KIAA1671: variants seen among roughly 807,000 people sequenced by gnomAD.
The protein encoded by KIAA1671 is uncharacterized protein KIAA1671.
A neutral mutation model predicts 131.2 loss-of-function variants in KIAA1671; 52 were observed. The observed-to-expected ratio is 0.40, with a 90% CI of 0.32 to 0.50. The LOEUF is 0.50. Ranked by LOEUF, KIAA1671 falls within the 20% of genes least tolerant of loss-of-function variation. The pLI is 0.73. For synonymous variants in KIAA1671, 1,003 were observed against 961.6 expected, an observed-to-expected ratio of 1.04 and a Z score of -0.80; for missense variants, 2,360 against 2,364.2, an observed-to-expected ratio of 1.00 and a Z score of 0.04.
intron 6 of KIAA1671, among the ~76,000 whole-genome samples, chr22:25,157,441 A>G (rs1174189354): frequency 6.6e-6 from 1 of 152,188 alleles, no homozygotes; most frequent in Non-Finnish European, 1.5e-5. Context: ...CAGTAAACTT[A>G]TGTCTGCCTC....
intron 6 of KIAA1671, among the ~76,000 whole-genome samples, chr22:25,162,146 A>C (rs1933467546): frequency 6.6e-6 from 1 of 152,132 alleles, no homozygotes; most frequent in African/African-American, 2.4e-5. Flanking sequence ...GGAGCTTTCC[A>C]TGGCATAATG....
intron 1 of KIAA1671, among the ~76,000 whole-genome samples, chr22:24,978,846 G>T (rs1923057370): frequency 6.6e-6 from 1 of 152,088 alleles, no homozygotes; most frequent in African/African-American, 2.4e-5. Context: ...ACCATGCCCA[G>T]CTAATTTTTG....
rs571533065 is a variant in KIAA1671 at position 25,169,927 on chromosome 22, T to G, written c.4531-893T>G. ...TTGATTTGGGGCGTGTAATTTCATGTTTTTTGTTTGAGATGGAGTGTCTCT... is the reference window on the plus strand; with the variant it reads ...TTGATTTGGGGCGTGTAATTTCATGGTTTTTGTTTGAGATGGAGTGTCTCT... On this transcript the variant is annotated intron_variant, in intron 6 of 12. Coordinates refer to ENST00000358431, the MANE Select transcript of KIAA1671 (RefSeq NM_001145206.2). 1.3e-3 allele frequency among the ~76,000 whole-genome samples: 195 copies of G among 152,256 alleles called. 3 individuals carry two copies. In the South Asian group the frequency reaches 0.032, roughly 25 times the overall value.
At chr22:25,092,761 C>T (rs73159916) in intron 6 of KIAA1671, among the ~76,000 whole-genome samples, 42,925 of 152,016 alleles carry the variant, frequency 0.28, 6,241 homozygotes, top group Middle Eastern at 0.33. Flanking sequence ...GAATAACAGG[C>T]GAGTGGTGCC....
intron 11 of KIAA1671, chr22:25,185,342 C>G (rs1311167801): frequency 3.9e-6 from 2 of 512,188 alleles, no homozygotes; most frequent in Non-Finnish European, 6.7e-6. Context: ...CTGGCCTCTC[C>G]TCTTCCCCGC....
At chr22:25,063,741 A>G (rs1237487310) in intron 6 of KIAA1671, 1 of 152,120 alleles carries the variant, frequency 6.6e-6, no homozygotes, top group Non-Finnish European at 1.5e-5. Flanking sequence ...CAAAACAAAA[A>G]CCATCCTTGA....
chr22:25,175,811 G>A (rs1934003656), intron 8 of KIAA1671: 2 of 152,222 alleles, frequency 1.3e-5, no homozygotes, highest in African/African-American at 4.8e-5. Context: ...GCCATGGAGT[G>A]ACTCTAAATG....
intron 6 of KIAA1671, chr22:25,050,664 C>T (rs1054196534): frequency 2.0e-5 from 3 of 152,400 alleles, no homozygotes; most frequent in African/African-American, 7.2e-5. Flanking sequence ...ACAGCCACAA[C>T]GTGAGCCCGA....
chr22:25,169,777 C>T (rs1408083284), intron 6 of KIAA1671, among the ~76,000 whole-genome samples: 1 of 152,202 alleles, frequency 6.6e-6, no homozygotes, highest in Non-Finnish European at 1.5e-5. Context: ...TCTCTGAGTG[C>T]CCAGGCCGAG....
chr22:25,086,728 A>G (rs1488178792), intron 6 of KIAA1671, among the ~76,000 whole-genome samples: 1 of 152,124 alleles, frequency 6.6e-6, no homozygotes, highest in Non-Finnish European at 1.5e-5. Context: ...CCGGCCAGAG[A>G]GCTGTTTCCA....
intron 1 of KIAA1671, chr22:25,009,981 C>T (rs1924951539): frequency 1.3e-5 from 2 of 152,214 alleles, no homozygotes. Context: ...TGTCCCTCAT[C>T]CCACTCTCTC....
At chr22:24,962,408 G>C (rs1922063943) in intron 1 of KIAA1671, among the ~76,000 whole-genome samples, 2 of 152,290 alleles carry the variant, frequency 1.3e-5, no homozygotes, top group South Asian at 4.1e-4. Flanking sequence ...GGAGCTGAGG[G>C]GGTCCTGATA....
chr22:25,167,889 A>C (rs944135864), intron 6 of KIAA1671, among the ~76,000 whole-genome samples: 1 of 152,206 alleles, frequency 6.6e-6, no homozygotes, highest in Admixed American at 6.5e-5. Flanking sequence ...ATGTTTCCTG[A>C]GTGCTGGGCC....
At chr22:25,061,245 G>T (rs1237870377) in intron 6 of KIAA1671, 2 of 152,190 alleles carry the variant, frequency 1.3e-5, no homozygotes, top group African/African-American at 4.8e-5. Flanking sequence ...TATTTCCAGA[G>T]ATGCTGAATC....
chr22:25,054,557 G>T (rs942288839), intron 6 of KIAA1671: 1 of 149,614 alleles, frequency 6.7e-6, no homozygotes, highest in Non-Finnish European at 1.5e-5. Flanking sequence ...GCAGAGATGC[G>T]TAGGGTGAGG....
At chr22:24,959,013 A>AG (rs1435122276) in intron 1 of KIAA1671, among the ~76,000 whole-genome samples, 4 of 151,308 alleles carry the variant, frequency 2.6e-5, no homozygotes, top group African/African-American at 9.7e-5. Context: ...AGAAAAGAAA[A>AG]AAAATTAGCC....
chr22:25,166,520 C>A (rs1933650232), intron 6 of KIAA1671, among the ~76,000 whole-genome samples: 1 of 152,090 alleles, frequency 6.6e-6, no homozygotes, highest in Non-Finnish European at 1.5e-5. Flanking sequence ...CTGCAAATTC[C>A]TTCTTCCATC....
intron 1 of KIAA1671, among the ~76,000 whole-genome samples, chr22:24,956,817 A>G (rs536941621): frequency 3.7e-4 from 55 of 149,294 alleles, no homozygotes; most frequent in Non-Finnish European, 6.6e-4. Flanking sequence ...GCTTACAGTG[A>G]GCCGAGATAG....
intron 6 of KIAA1671, among the ~76,000 whole-genome samples, chr22:25,094,311 G>T (rs1041956651): frequency 6.6e-6 from 1 of 152,130 alleles, no homozygotes; most frequent in Admixed American, 6.5e-5. Context: ...TTGTGCTGCG[G>T]GTGGTACATG....
Sources: allele counts gnomAD v4.1 joint callset (sites outside exome capture counted in the v4.1 genomes callset), GRCh38; gene constraint gnomAD v4.1.1; transcripts MANE v1.5; gene names NCBI Gene and HGNC (gene_info 2026-07-23, HGNC 2026-07-21).